The following CCSER1 variants were observed in gnomAD, a reference collection of about 807,000 sequenced individuals.
The protein encoded by CCSER1 is coiled-coil serine rich protein 1, also known as serine-rich coiled-coil domain-containing protein 1.
CCSER1 carries 41 observed loss-of-function variants against 82.0 expected under a neutral mutation model. That is an observed-to-expected ratio of 0.50 (90% CI 0.39 to 0.65). CCSER1 has a LOEUF of 0.65. Among genes scored for constraint, CCSER1 ranks in the 30% least tolerant of loss-of-function variants. CCSER1 has a pLI of 0.00. For synonymous variants in CCSER1, 414 were observed against 383.9 expected, an observed-to-expected ratio of 1.08 and a Z score of -0.92; for missense variants, 1,119 against 1,064.2, an observed-to-expected ratio of 1.05 and a Z score of -0.72.
chr4:91,024,145 C>G (rs574286457), intron 9 of CCSER1, among the ~76,000 whole-genome samples: 1 of 152,046 alleles, frequency 6.6e-6, no homozygotes, highest in Non-Finnish European at 1.5e-5. Flanking sequence ...GAGGGCAGAG[C>G]CTTTATGATC....
intron 10 of CCSER1, among the ~76,000 whole-genome samples, chr4:91,145,947 T>C (rs1273300987): frequency 6.6e-6 from 1 of 152,170 alleles, no homozygotes; most frequent in Non-Finnish European, 1.5e-5. Context: ...GTTCGTCTGA[T>C]ATAATATCTT....
chr4:91,480,012 G>A (rs202136521), intron 10 of CCSER1, among the ~76,000 whole-genome samples: 66,571 of 137,370 alleles, frequency 0.48, 16,811 homozygotes, highest in East Asian at 0.85. Flanking sequence ...TTGTTCTTGC[G>A]ATAGTTTACT....
intron 5 of CCSER1, among the ~76,000 whole-genome samples, chr4:90,587,296 A>G (rs747780928): frequency 9.9e-5 from 15 of 152,208 alleles, no homozygotes; most frequent in Non-Finnish European, 2.1e-4. Flanking sequence ...GTAGAACTCT[A>G]TTATAGCAAC....
intron 9 of CCSER1, among the ~76,000 whole-genome samples, chr4:91,027,329 T>C (rs1740574991): frequency 6.6e-6 from 1 of 151,880 alleles, no homozygotes; most frequent in African/African-American, 2.4e-5. Context: ...ACATAAGTAA[T>C]GACTAATGAA....
chr4:90,552,522 A>G (rs753823995), intron 5 of CCSER1, among the ~76,000 whole-genome samples: 12 of 152,136 alleles, frequency 7.9e-5, no homozygotes, highest in Admixed American at 2.6e-4. Context: ...CAGAGGCGCA[A>G]TTTCAGCTCA....
At chr4:91,544,116 C>A (rs764570207) in intron 10 of CCSER1, among the ~76,000 whole-genome samples, 6 of 152,200 alleles carry the variant, frequency 3.9e-5, no homozygotes, top group Non-Finnish European at 8.8e-5. Flanking sequence ...CTTGTGCATG[C>A]GTCATGTAGT....
chr4:91,000,219 GGTATAGTATA>G (rs60452811), intron 9 of CCSER1, among the ~76,000 whole-genome samples: 40,192 of 126,634 alleles, frequency 0.32, 6,167 homozygotes, highest in East Asian at 0.45. Flanking sequence ...GTATAGTATA[GGTATAGTATA>G]GTATAGTATA....
At chr4:90,726,541 T>C (rs1443925687) in intron 7 of CCSER1, among the ~76,000 whole-genome samples, 1 of 152,016 alleles carries the variant, frequency 6.6e-6, no homozygotes, top group African/African-American at 2.4e-5. Context: ...TGGGATCAAA[T>C]GTTTATTTTT....
At chr4:90,528,464 C>G (rs28477727) in intron 5 of CCSER1, among the ~76,000 whole-genome samples, 16,488 of 152,090 alleles carry the variant, frequency 0.11, 1,314 homozygotes, top group African/African-American at 0.23. Context: ...ACTTTGTGTT[C>G]CAATGCTTTG....
intron 5 of CCSER1, among the ~76,000 whole-genome samples, chr4:90,502,693 G>T (rs941638476): frequency 6.6e-6 from 1 of 152,090 alleles, no homozygotes; most frequent in Non-Finnish European, 1.5e-5. Context: ...TCGAAGAAGA[G>T]AAAATGCATA....
At chr4:90,180,179 C>A (rs965504343) in intron 1 of CCSER1, among the ~76,000 whole-genome samples, 1 of 150,054 alleles carries the variant, frequency 6.7e-6, no homozygotes, top group African/African-American at 2.4e-5. Context: ...AGTGGAGAAA[C>A]GATAACTAAA....
chr4:90,410,866 A>C (rs1754657595), intron 4 of CCSER1, among the ~76,000 whole-genome samples: 1 of 152,234 alleles, frequency 6.6e-6, no homozygotes, highest in Admixed American at 6.5e-5. Context: ...AACAAAATTG[A>C]TAGACCACTA....
chr4:91,273,572 C>G (rs893595198), intron 10 of CCSER1, among the ~76,000 whole-genome samples: 3 of 152,110 alleles, frequency 2.0e-5, no homozygotes, highest in African/African-American at 7.2e-5. Flanking sequence ...TTGACTTCCT[C>G]TTTACCGATT....
chr4:91,124,771 A>G (rs1268260759), intron 10 of CCSER1, among the ~76,000 whole-genome samples: 1 of 151,882 alleles, frequency 6.6e-6, no homozygotes. Flanking sequence ...ATAAATCAAC[A>G]AAGATTTTTA....
intron 8 of CCSER1, among the ~76,000 whole-genome samples, chr4:90,868,510 T>C (rs1156259220): frequency 6.6e-6 from 1 of 152,040 alleles, no homozygotes; most frequent in Non-Finnish European, 1.5e-5. Flanking sequence ...GTTCCATCCA[T>C]GTTGTTGCAC....
At chr4:91,161,745 A>C (rs1032750620) in intron 10 of CCSER1, among the ~76,000 whole-genome samples, 4 of 152,110 alleles carry the variant, frequency 2.6e-5, no homozygotes, top group Non-Finnish European at 5.9e-5. Flanking sequence ...ATTTTTGCAC[A>C]TTGATTTTCT....
chr4:91,078,111 A>G (rs1423673987), intron 9 of CCSER1, among the ~76,000 whole-genome samples: 2 of 152,198 alleles, frequency 1.3e-5, no homozygotes, highest in African/African-American at 4.8e-5. Flanking sequence ...TCCAGCACAG[A>G]GTTTGGGATC....
intron 7 of CCSER1, chr4:90,725,059 A>C (rs760058920): frequency 2.4e-5 from 10 of 416,790 alleles, no homozygotes; most frequent in African/African-American, 1.4e-4. Flanking sequence ...TTAAATACTG[A>C]ATGATATTCT....
intron 7 of CCSER1, among the ~76,000 whole-genome samples, chr4:90,799,481 G>A (rs112569096): frequency 5.3e-5 from 8 of 152,128 alleles, no homozygotes; most frequent in South Asian, 4.1e-4. Flanking sequence ...GGCCGTAGGC[G>A]TCGTGCCACT....
Sources: gnomAD v4.1 joint callset for allele counts (sites outside exome capture counted in the v4.1 genomes callset) on GRCh38, gnomAD v4.1.1 for gene constraint, MANE v1.5 for transcripts, NCBI Gene and HGNC (gene_info 2026-07-23, HGNC 2026-07-21) for gene names.